CCSER1: variants seen among roughly 807,000 people sequenced by gnomAD.
The protein encoded by CCSER1 is serine-rich coiled-coil domain-containing protein 1.
A neutral mutation model predicts 82.0 loss-of-function variants in CCSER1; 41 were observed. The observed-to-expected ratio is 0.50, with a 90% CI of 0.39 to 0.65. The LOEUF (loss-of-function observed/expected upper bound fraction) is 0.65, where lower values mean the gene tolerates loss of function less well. Ranked by LOEUF, CCSER1 falls within the 30% of genes least tolerant of loss-of-function variation. CCSER1 has a pLI of 0.00. For missense variants in CCSER1, 1,119 were observed against 1,064.2 expected, an observed-to-expected ratio of 1.05 and a Z score of -0.72; for synonymous variants, 414 against 383.9, an observed-to-expected ratio of 1.08 and a Z score of -0.92.
intron 10 of CCSER1, among the ~76,000 whole-genome samples, chr4:91,453,577 G>A (rs1360337097): frequency 6.6e-6 from 1 of 151,966 alleles, no homozygotes; most frequent in Non-Finnish European, 1.5e-5. Context: ...AGCCTTTGGA[G>A]CATGTAAAAT....
intron 10 of CCSER1, among the ~76,000 whole-genome samples, chr4:91,525,185 G>A (rs1760711553): frequency 1.3e-5 from 2 of 151,980 alleles, no homozygotes; most frequent in Non-Finnish European, 2.9e-5. Flanking sequence ...ATACAGGAGA[G>A]TATATAAATA....
At chr4:91,591,795 G>A (rs1001253380) in intron 10 of CCSER1, among the ~76,000 whole-genome samples, 2 of 152,112 alleles carry the variant, frequency 1.3e-5, no homozygotes, top group East Asian at 1.9e-4. Flanking sequence ...CAATGGGGCC[G>A]GGCAGCAGTT....
intron 5 of CCSER1, among the ~76,000 whole-genome samples, chr4:90,476,537 A>T (rs1437620568): frequency 6.6e-6 from 1 of 152,070 alleles, no homozygotes; most frequent in East Asian, 1.9e-4. Context: ...GATTGCCATC[A>T]ATCTTCTGTA....
chr4:90,947,814 CTT>C (rs1008578332), intron 9 of CCSER1, among the ~76,000 whole-genome samples: 1 of 152,076 alleles, frequency 6.6e-6, no homozygotes, highest in African/African-American at 2.4e-5. Flanking sequence ...ACAAAAATGA[CTT>C]TCCTGTTCCC....
At chr4:91,502,106 G>A (rs1029486651) in intron 10 of CCSER1, among the ~76,000 whole-genome samples, 1 of 152,318 alleles carries the variant, frequency 6.6e-6, no homozygotes, top group South Asian at 2.1e-4. Flanking sequence ...GTATACAGGA[G>A]TGCTAACTCC....
intron 8 of CCSER1, among the ~76,000 whole-genome samples, chr4:90,886,572 GTAA>G (rs909215742): frequency 1.3e-5 from 2 of 152,036 alleles, no homozygotes; most frequent in African/African-American, 4.8e-5. Context: ...TCTAAGATAG[GTAA>G]TAATCACTGT....
chr4:90,644,341 CT>C lies in CCSER1; in HGVS notation c.1932+16111del, dbSNP rs1727099612. The stretch of plus-strand genomic sequence containing the variant: ...TTAATAGTTTTGTTCATGAAGTAAA[CT>C]TGTGTTATGTGTTCATGTGTGGAAT... On this transcript the variant is annotated intron_variant, in intron 6 of 10. Transcript: ENST00000509176. Among the ~76,000 whole-genome samples, 3 of 152,142 alleles carry C rather than the reference CT, an allele frequency of 2.0e-5. No individual in the cohort carries two copies. In the South Asian group the frequency reaches 6.2e-4, roughly 31 times the overall value.
chr4:90,890,367 G>T (rs763476896), intron 8 of CCSER1, among the ~76,000 whole-genome samples: 33 of 152,150 alleles, frequency 2.2e-4, no homozygotes, highest in Non-Finnish European at 4.9e-4. Context: ...TGCTACTGGT[G>T]CTGTGTTCAT....
At chr4:90,606,748 A>G (rs1784767630) in intron 5 of CCSER1, among the ~76,000 whole-genome samples, 2 of 152,188 alleles carry the variant, frequency 1.3e-5, no homozygotes, top group South Asian at 4.1e-4. Context: ...TCTCAGAGAT[A>G]ATAATGATCA....
chr4:90,497,677 G>T (rs1245552375), intron 5 of CCSER1, among the ~76,000 whole-genome samples: 1 of 152,108 alleles, frequency 6.6e-6, no homozygotes, highest in African/African-American at 2.4e-5. Context: ...TAAAGCCAAA[G>T]AAGTACACTA....
At chr4:91,146,861 G>T (rs937197616) in intron 10 of CCSER1, among the ~76,000 whole-genome samples, 1 of 152,052 alleles carries the variant, frequency 6.6e-6, no homozygotes, top group Admixed American at 6.6e-5. Flanking sequence ...TCTTAGCTGC[G>T]TGCCTGTTTT....
At chr4:90,317,499 G>C (rs1450055583) in intron 3 of CCSER1, among the ~76,000 whole-genome samples, 1 of 152,134 alleles carries the variant, frequency 6.6e-6, no homozygotes, top group East Asian at 1.9e-4. Flanking sequence ...GCCAGTGCCT[G>C]TAATCCCAGC....
At chr4:91,020,233 T>C (rs148235293) in intron 9 of CCSER1, among the ~76,000 whole-genome samples, 1 of 152,208 alleles carries the variant, frequency 6.6e-6, no homozygotes, top group African/African-American at 2.4e-5. Flanking sequence ...ATAACCTCAA[T>C]GTCATAGATG....
intron 3 of CCSER1, among the ~76,000 whole-genome samples, chr4:90,342,001 T>A (rs1309407756): frequency 6.6e-6 from 1 of 152,148 alleles, no homozygotes; most frequent in Non-Finnish European, 1.5e-5. Context: ...CATGACTACC[T>A]CCCCTTGAGG....
intron 6 of CCSER1, among the ~76,000 whole-genome samples, chr4:90,636,492 T>TA (rs1185072022): frequency 6.6e-6 from 1 of 151,976 alleles, no homozygotes; most frequent in African/African-American, 2.4e-5. Context: ...AATTAGTAAA[T>TA]ACGTGTAGCA....
intron 5 of CCSER1, among the ~76,000 whole-genome samples, chr4:90,531,179 C>T (rs943056597): frequency 6.6e-6 from 1 of 151,598 alleles, no homozygotes; most frequent in Non-Finnish European, 1.5e-5. Flanking sequence ...TTTAACCCCC[C>T]AAGGAGCCAC....
At chr4:90,707,284 A>C (rs1478454496) in intron 6 of CCSER1, among the ~76,000 whole-genome samples, 1 of 151,350 alleles carries the variant, frequency 6.6e-6, no homozygotes, top group Non-Finnish European at 1.5e-5. Flanking sequence ...TATCTCCGCC[A>C]GTGTAGTCAT....
chr4:91,210,162 A>G (rs927181542), intron 10 of CCSER1, among the ~76,000 whole-genome samples: 3 of 151,702 alleles, frequency 2.0e-5, no homozygotes, highest in African/African-American at 7.3e-5. Flanking sequence ...CAAATACGGA[A>G]TACATTGTGC....
chr4:90,952,601 A>G (rs1733027669), intron 9 of CCSER1, among the ~76,000 whole-genome samples: 1 of 152,074 alleles, frequency 6.6e-6, no homozygotes, highest in Non-Finnish European at 1.5e-5. Flanking sequence ...ATCTCATAGA[A>G]TTCCTTTTTT....
Sources: allele counts gnomAD v4.1 joint callset (sites outside exome capture counted in the v4.1 genomes callset), GRCh38; gene constraint gnomAD v4.1.1; transcripts MANE v1.5; gene names NCBI Gene and HGNC (gene_info 2026-07-23, HGNC 2026-07-21).